ST8SIA6: variants seen among roughly 807,000 people sequenced by gnomAD.
ST8SIA6 encodes the protein ST8 alpha-N-acetyl-neuraminide alpha-2,8-sialyltransferase 6.
A neutral mutation model predicts 33.6 loss-of-function variants in ST8SIA6; 39 were observed. That is an observed-to-expected ratio of 1.16 (90% CI 0.90 to 1.52). The LOEUF (loss-of-function observed/expected upper bound fraction) is 1.52, where lower values mean the gene tolerates loss of function less well. ST8SIA6 is among the 40% of genes most tolerant of loss of function. ST8SIA6 has a pLI of 0.00. For synonymous variants in ST8SIA6, 172 were observed against 167.2 expected (o/e 1.03, Z -0.22); for missense variants, 441 against 443.8 (o/e 0.99, Z 0.06).
In ST8SIA6 at chr10:17,453,614, C is replaced by CG; in HGVS notation, c.144dup (p.Ala49ArgfsTer18). 7.5e-7 allele frequency: 1 copy of CG among 1,329,848 alleles called. No individual in the cohort carries two copies. Among genetic ancestry groups the CG allele is most frequent in the Non-Finnish European group, 9.7e-7 (1 of 1,032,348 alleles). The allele number at this position is 1,329,848 out of a possible 1,614,324, so 82.4% of individuals were successfully genotyped here. A position where few individuals can be genotyped will look rare whatever the true frequency, so the allele number is the denominator to read the frequency against. Reference sequence around the variant, plus strand: ...GGGCTCCGGAGCGTCCTCAGCGCTGCGGGGGTGCCGTGGGTGGCCTCCCTG... The same window carrying CG: ...GGGCTCCGGAGCGTCCTCAGCGCTGCGGGGGGTGCCGTGGGTGGCCTCCCTG... On this transcript the variant is annotated frameshift_variant, in exon 2 of 8. Transcript: ENST00000377602. LOFTEE classifies it high-confidence loss of function.
intron 3 of ST8SIA6, among the ~76,000 whole-genome samples, chr10:17,375,907 TATA>T (rs1849900117): frequency 6.6e-6 from 1 of 152,222 alleles, no homozygotes; most frequent in African/African-American, 2.4e-5. Flanking sequence ...CCTAGAGGCC[TATA>T]ATCAATAGAA....
intron 3 of ST8SIA6, among the ~76,000 whole-genome samples, chr10:17,378,933 T>C (rs981005793): frequency 3.9e-5 from 6 of 152,216 alleles, no homozygotes; most frequent in Non-Finnish European, 8.8e-5. Context: ...AAGACCATCC[T>C]GGCTAACATG....
intron 6 of ST8SIA6, among the ~76,000 whole-genome samples, chr10:17,325,700 C>G (rs116023197): frequency 2.0e-3 from 304 of 152,100 alleles, no homozygotes; most frequent in African/African-American, 7.1e-3. Context: ...TTAATGACAC[C>G]AAACACGTCT....
intron 2 of ST8SIA6, among the ~76,000 whole-genome samples, chr10:17,424,470 C>G (rs535050981): frequency 3.3e-5 from 5 of 152,226 alleles, no homozygotes; most frequent in Admixed American, 6.5e-5. Context: ...CCTGCCTGTG[C>G]CCCCACACAG....
intron 3 of ST8SIA6, among the ~76,000 whole-genome samples, chr10:17,386,460 A>G (rs932012635): frequency 9.2e-5 from 14 of 152,048 alleles, no homozygotes; most frequent in African/African-American, 3.4e-4. Flanking sequence ...AATCACTTGA[A>G]CCCGGGAGGT....
chr10:17,445,459 T>C (rs1316048524), intron 2 of ST8SIA6, among the ~76,000 whole-genome samples: 1 of 152,178 alleles, frequency 6.6e-6, no homozygotes, highest in African/African-American at 2.4e-5. Flanking sequence ...GATGTAAATT[T>C]TCACCTCAGA....
intron 2 of ST8SIA6, among the ~76,000 whole-genome samples, chr10:17,422,129 G>C (rs995051344): frequency 6.6e-6 from 1 of 151,880 alleles, no homozygotes; most frequent in Non-Finnish European, 1.5e-5. Context: ...TTAATCAAGA[G>C]AACAATCTTT....
intron 4 of ST8SIA6, among the ~76,000 whole-genome samples, chr10:17,345,668 G>A (rs1228077087): frequency 6.6e-6 from 1 of 152,152 alleles, no homozygotes; most frequent in Non-Finnish European, 1.5e-5. Flanking sequence ...ACTATAGCAA[G>A]AGTCTTACAG....
intron 2 of ST8SIA6, among the ~76,000 whole-genome samples, chr10:17,426,956 G>A (rs1178458512): frequency 2.0e-5 from 3 of 152,106 alleles, no homozygotes; most frequent in Non-Finnish European, 4.4e-5. Flanking sequence ...ACCAAAATTA[G>A]CCAGGCATGG....
intron 4 of ST8SIA6, among the ~76,000 whole-genome samples, chr10:17,340,486 C>T (rs559106067): frequency 3.2e-4 from 48 of 152,294 alleles, no homozygotes; most frequent in African/African-American, 1.1e-3. Context: ...TTAGACTGTG[C>T]GGTCCAAACC....
intron 3 of ST8SIA6, among the ~76,000 whole-genome samples, chr10:17,362,079 TC>T: frequency 6.6e-6 from 1 of 152,188 alleles, no homozygotes; most frequent in South Asian, 2.1e-4. Context: ...ATGAATGCTT[TC>T]CCCCTAAAAT....
chr10:17,389,514 AC>A (rs1170680384), intron 3 of ST8SIA6, among the ~76,000 whole-genome samples: 4 of 152,254 alleles, frequency 2.6e-5, no homozygotes, highest in African/African-American at 9.6e-5. Context: ...CCTTCTAGGA[AC>A]AATCAGAGTC....
At chr10:17,397,622 C>A (rs1476476440) in intron 2 of ST8SIA6, among the ~76,000 whole-genome samples, 2 of 152,212 alleles carry the variant, frequency 1.3e-5, no homozygotes, top group Non-Finnish European at 2.9e-5. Flanking sequence ...TCCTTATTAA[C>A]TGGGCATGCA....
At chr10:17,432,115 G>A (rs907920443) in intron 2 of ST8SIA6, among the ~76,000 whole-genome samples, 2 of 152,178 alleles carry the variant, frequency 1.3e-5, no homozygotes, top group Non-Finnish European at 2.9e-5. Flanking sequence ...AGGCGCCAGA[G>A]CATACTATGT....
rs1350470528 is a variant in ST8SIA6 at position 17,359,607 on chromosome 10, A to G, written c.291-7T>C. The G allele has an allele frequency of 6.4e-7, 1 of 1,557,774 alleles. No individual in the cohort carries two copies. ...GTAGTCGTTCTCTGAATACCTAAAA[A>G]TTAAATGTCAATATAATTAGAAAAT... On this transcript the variant is annotated splice_polypyrimidine_tract_variant and splice_region_variant and intron_variant, in intron 3 of 7. Coordinates refer to ENST00000377602, the MANE Select transcript of ST8SIA6 (RefSeq NM_001004470.3).
At chr10:17,422,484 A>G (rs552377859) in intron 2 of ST8SIA6, among the ~76,000 whole-genome samples, 23 of 152,336 alleles carry the variant, frequency 1.5e-4, no homozygotes, top group African/African-American at 5.3e-4. Flanking sequence ...GTTAGCCAAC[A>G]GCTACTTTAA....
intron 2 of ST8SIA6, among the ~76,000 whole-genome samples, chr10:17,414,933 A>G (rs971638182): frequency 5.3e-5 from 8 of 152,102 alleles, no homozygotes; most frequent in Non-Finnish European, 1.2e-4. Flanking sequence ...GCTCTCATCA[A>G]AAATCAGTAA....
chr10:17,378,181 C>T (rs554072005), intron 3 of ST8SIA6, among the ~76,000 whole-genome samples: 40 of 152,170 alleles, frequency 2.6e-4, no homozygotes, highest in African/African-American at 8.9e-4. Context: ...TATGGGCACC[C>T]GGCATTCTCA....
intron 3 of ST8SIA6, among the ~76,000 whole-genome samples, chr10:17,377,831 C>T (rs534969933): frequency 2.9e-4 from 44 of 152,204 alleles, no homozygotes; most frequent in African/African-American, 9.4e-4. Flanking sequence ...TCTAAGAAAA[C>T]GAAATTACTT....
Sources: gnomAD v4.1 joint callset for allele counts (sites outside exome capture counted in the v4.1 genomes callset) on GRCh38, gnomAD v4.1.1 for gene constraint, MANE v1.5 for transcripts, NCBI Gene and HGNC (gene_info 2026-07-23, HGNC 2026-07-21) for gene names.